The following DCDC1 variants were observed in gnomAD, a reference collection of about 807,000 sequenced individuals.
DCDC1 encodes the protein doublecortin domain containing 1.
In DCDC1, 200 loss-of-function variants were observed where a neutral mutation model predicts 178.3. The observed-to-expected ratio is 1.12, with a 90% CI of 1.00 to 1.26. DCDC1 has a LOEUF of 1.26. DCDC1 is among the 50% of genes most tolerant of loss of function. DCDC1 has a pLI of 0.00. For missense variants in DCDC1, 1,983 were observed against 1,749.2 expected (o/e 1.13, Z -2.38); for synonymous variants, 690 against 604.8 (o/e 1.14, Z -2.07).
At chr11:31,146,363 G>A (rs1275957980) in intron 9 of DCDC1, among the ~76,000 whole-genome samples, 1 of 152,124 alleles carries the variant, frequency 6.6e-6, no homozygotes, top group Non-Finnish European at 1.5e-5. Context: ...TGGGAATATA[G>A]GTGTGAGCCA....
intron 9 of DCDC1, among the ~76,000 whole-genome samples, chr11:31,198,018 A>AATGTGT (rs201545957): frequency 0.024 from 3,643 of 152,092 alleles, 67 homozygotes; most frequent in Non-Finnish European, 0.032. Context: ...TGAATCGTAC[A>AATGTGT]ATGTGTATGT....
At chr11:31,085,465 A>ATT (rs1957414780) in intron 17 of DCDC1, among the ~76,000 whole-genome samples, 1 of 152,094 alleles carries the variant, frequency 6.6e-6, no homozygotes, top group Non-Finnish European at 1.5e-5. Context: ...CATTTTCTAA[A>ATT]TTATATATAT....
chr11:31,346,273 A>G (rs931616178), intron 1 of DCDC1, among the ~76,000 whole-genome samples: 26 of 152,184 alleles, frequency 1.7e-4, no homozygotes, highest in East Asian at 1.5e-3. Context: ...TAGCCTGGCC[A>G]ATATGGTGAA....
At chr11:30,985,398 TTAAAAC>T (rs1339788819) in intron 20 of DCDC1, among the ~76,000 whole-genome samples, 3 of 152,218 alleles carry the variant, frequency 2.0e-5, no homozygotes, top group Admixed American at 6.6e-5. Flanking sequence ...GATAATCATG[TTAAAAC>T]ACTGCAGTAT....
At chr11:31,133,694 T>G (rs536741567) in intron 10 of DCDC1, among the ~76,000 whole-genome samples, 27 of 151,124 alleles carry the variant, frequency 1.8e-4, no homozygotes, top group South Asian at 6.3e-4. Flanking sequence ...TTTTTGTGGG[T>G]TTTTTTTTGT....
intron 8 of DCDC1, among the ~76,000 whole-genome samples, chr11:31,249,482 G>T (rs1020270219): frequency 3.3e-5 from 5 of 152,106 alleles, no homozygotes; most frequent in African/African-American, 9.6e-5. Context: ...TTTGACATAA[G>T]CAACAAGGGT....
chr11:31,168,996 A>G (rs1390834849), intron 9 of DCDC1, among the ~76,000 whole-genome samples: 1 of 152,208 alleles, frequency 6.6e-6, no homozygotes, highest in Non-Finnish European at 1.5e-5. Flanking sequence ...ATTCCCATCA[A>G]TGATAGATTG....
At chr11:31,310,737 A>G (rs959776547) in intron 3 of DCDC1, among the ~76,000 whole-genome samples, 2 of 152,144 alleles carry the variant, frequency 1.3e-5, no homozygotes, top group Non-Finnish European at 2.9e-5. Context: ...TGGGAATTAA[A>G]CCCACATAGT....
intron 18 of DCDC1, among the ~76,000 whole-genome samples, chr11:31,073,381 T>C (rs1439681713): frequency 1.3e-5 from 2 of 150,048 alleles, no homozygotes; most frequent in Admixed American, 1.4e-4. Context: ...GGCACCTAAA[T>C]TTGGGGAAAA....
At chr11:31,166,279 A>C (rs1966780774) in intron 9 of DCDC1, among the ~76,000 whole-genome samples, 1 of 152,200 alleles carries the variant, frequency 6.6e-6, no homozygotes, top group South Asian at 2.1e-4. Context: ...GTATCATGAA[A>C]TTGTAAGGAA....
rs1435009697 is a variant in DCDC1, at chr11:30,888,084, GAA to G, written c.5082+4732_5082+4733del. 4.1e-3 allele frequency among the ~76,000 whole-genome samples: 372 copies of G among 91,086 alleles called. 3 individuals are homozygous for G. The highest frequency in any genetic ancestry group is 0.012 in the Middle Eastern group (2 of 172). 59.8% of individuals were successfully genotyped at this position (91,086 alleles called of 152,430 possible). A position where few individuals can be genotyped will look rare whatever the true frequency, so the allele number is the denominator to read the frequency against. Reference sequence around the variant, plus strand: ...AAAGAGAGAGAGAGAGAGAGAGAGAGAAAGAAAGAAAGAAAAAGAAAGAAAGA... The same window carrying G: ...AAAGAGAGAGAGAGAGAGAGAGAGAGAGAAAGAAAGAAAAAGAAAGAAAGA... On this transcript the variant is annotated intron_variant, in intron 36 of 38. Transcript: ENST00000684477.
At chr11:30,899,443 T>C in intron 34 of DCDC1, 98 bp downstream of exon 34, 1 of 650,684 alleles carries the variant, frequency 1.5e-6, no homozygotes, top group South Asian at 5.2e-5. Context: ...TATAGTACTC[T>C]TTAAACACTT....
intron 9 of DCDC1, among the ~76,000 whole-genome samples, chr11:31,223,075 A>G (rs543532512): frequency 1.2e-4 from 18 of 152,204 alleles, no homozygotes; most frequent in Non-Finnish European, 2.5e-4. Flanking sequence ...ACATTGGTAC[A>G]ATCATTTTGA....
chr11:31,154,748 T>A (rs1311474776), intron 9 of DCDC1, among the ~76,000 whole-genome samples: 2 of 152,186 alleles, frequency 1.3e-5, no homozygotes, highest in Non-Finnish European at 2.9e-5. Flanking sequence ...GCCATCTTCA[T>A]CATGCAAAGC....
At chr11:30,942,036 T>C (rs184445460) in intron 21 of DCDC1, among the ~76,000 whole-genome samples, 1 of 152,300 alleles carries the variant, frequency 6.6e-6, no homozygotes, top group African/African-American at 2.4e-5. Context: ...AGAAGCTTCA[T>C]TTTATTCCTA....
chr11:30,895,557 G>A (rs1944139139), intron 34 of DCDC1, among the ~76,000 whole-genome samples: 1 of 152,142 alleles, frequency 6.6e-6, no homozygotes, highest in Admixed American at 6.5e-5. Flanking sequence ...AGAGTATAAA[G>A]CACTTGTGCT....
chr11:31,149,482 C>T (rs1414809879), intron 9 of DCDC1, among the ~76,000 whole-genome samples: 3 of 152,020 alleles, frequency 2.0e-5, no homozygotes, highest in Non-Finnish European at 4.4e-5. Flanking sequence ...AGAATAAAAG[C>T]TGGCCACCCC....
In DCDC1 at chr11:31,275,489, C is replaced by T. The variant is rs116950851; in HGVS notation, c.961-9889G>A. On this transcript the variant is annotated intron_variant, in intron 7 of 38. Coordinates refer to ENST00000684477, the MANE Select transcript of DCDC1 (RefSeq NM_001387274.1). ...AAGACTACAATTATCTTTCTGTCGT[C>T]GTTGTTGTTGTTGTTTGCTTTTCTG... Among the ~76,000 whole-genome samples the T allele has an allele frequency of 2.6e-3, 397 of 152,122 alleles. 6 individuals are homozygous for T. The East Asian group carries it at 0.053, about 20-fold the overall frequency.
At chr11:30,900,953 G>T (rs986038867) in intron 32 of DCDC1, among the ~76,000 whole-genome samples, 5 of 151,794 alleles carry the variant, frequency 3.3e-5, no homozygotes, top group Non-Finnish European at 5.9e-5. Context: ...ATAGTGTTTG[G>T]TCTATTTACT....
Sources: allele counts gnomAD v4.1 joint callset (sites outside exome capture counted in the v4.1 genomes callset), GRCh38; gene constraint gnomAD v4.1.1; transcripts MANE v1.5; gene names NCBI Gene and HGNC (gene_info 2026-07-23, HGNC 2026-07-21).